The following IL1RAPL1 variants were observed in gnomAD, a reference collection of about 807,000 sequenced individuals.
The protein encoded by IL1RAPL1 is interleukin 1 receptor accessory protein like 1.
Under a neutral mutation model 48.4 loss-of-function variants are expected in IL1RAPL1, and 3 were observed. That is an observed-to-expected ratio of 0.06 (90% confidence interval 0.03 to 0.16). IL1RAPL1 has a LOEUF of 0.16. IL1RAPL1 is among the 10% of genes least tolerant of loss of function. The pLI is 1.00. For missense variants in IL1RAPL1, 349 were observed against 530.6 expected (o/e 0.66, Z 3.36); for synonymous variants, 185 against 187.7 (o/e 0.99, Z 0.12).
intron 6 of IL1RAPL1, among the ~76,000 whole-genome samples, chrX:29,912,456 G>A (rs920294430): frequency 8.9e-6 from 1 of 111,890 alleles, no homozygotes; most frequent in Non-Finnish European, 1.9e-5. Flanking sequence ...TCTGCCTTTG[G>A]GGAATGCATA....
At chrX:29,569,609 A>C (rs1004273038) in intron 5 of IL1RAPL1, among the ~76,000 whole-genome samples, 6 of 107,587 alleles carry the variant, frequency 5.6e-5, no homozygotes, top group African/African-American at 1.7e-4. Flanking sequence ...TCTTGTAATC[A>C]TTGAGGACCA....
chrX:28,608,744 A>G, intron 1 of IL1RAPL1, among the ~76,000 whole-genome samples: 1 of 112,225 alleles, frequency 8.9e-6, no homozygotes, highest in Non-Finnish European at 1.9e-5. Flanking sequence ...TTAAAGGTCT[A>G]AATAATTTGA....
At chrX:29,406,235 A>G (rs913402210) in intron 5 of IL1RAPL1, among the ~76,000 whole-genome samples, 3 of 110,697 alleles carry the variant, frequency 2.7e-5, no homozygotes, top group African/African-American at 9.9e-5. Flanking sequence ...TAAAAATACA[A>G]AAAATTAGCC....
intron 1 of IL1RAPL1, among the ~76,000 whole-genome samples, chrX:28,696,625 A>G (rs1401787232): frequency 8.9e-6 from 1 of 111,746 alleles, no homozygotes; most frequent in African/African-American, 3.2e-5. Context: ...CAGGTATCAA[A>G]GTATCACATG....
chrX:28,721,118 G>A (rs911222542), intron 1 of IL1RAPL1, among the ~76,000 whole-genome samples: 1 of 111,738 alleles, frequency 8.9e-6, no homozygotes, highest in African/African-American at 3.3e-5. Context: ...CCAGTAATGG[G>A]ATGGCTGGGT....
chrX:29,368,426 G>A (rs1395070421), intron 3 of IL1RAPL1, among the ~76,000 whole-genome samples: 1 of 111,452 alleles, frequency 9.0e-6, no homozygotes, highest in Non-Finnish European at 1.9e-5. Context: ...TTGCCCACCA[G>A]GCTGGAGTGC....
intron 2 of IL1RAPL1, among the ~76,000 whole-genome samples, chrX:28,908,962 T>C: frequency 8.9e-6 from 1 of 112,061 alleles, no homozygotes; most frequent in South Asian, 3.7e-4. Flanking sequence ...TTGATACTTT[T>C]CTTGATCTGA....
At chrX:29,528,626 C>T (rs1372754656) in intron 5 of IL1RAPL1, among the ~76,000 whole-genome samples, 3 of 112,326 alleles carry the variant, frequency 2.7e-5, no homozygotes, top group East Asian at 2.8e-4. Flanking sequence ...CCTCCATAAA[C>T]TCTCTCACAC....
intron 5 of IL1RAPL1, among the ~76,000 whole-genome samples, chrX:29,489,738 C>T (rs1254148962): frequency 2.7e-5 from 3 of 111,789 alleles, no homozygotes; most frequent in African/African-American, 9.7e-5. Flanking sequence ...CTGCCACCAA[C>T]ATCTTATAGT....
chrX:28,615,102 A>C (rs1315099515), intron 1 of IL1RAPL1, among the ~76,000 whole-genome samples: 1 of 104,316 alleles, frequency 9.6e-6, no homozygotes, highest in Non-Finnish European at 1.9e-5. Context: ...GTTAGCCAGG[A>C]TGGTCTCGAC....
At position 29,711,069 on chromosome X, in the gene IL1RAPL1, T is replaced by TACACACACACACACACACAC. The variant is rs745317897; in HGVS notation, c.778+42567_778+42586dup. Among the ~76,000 whole-genome samples, 263 of 86,429 alleles carry TACACACACACACACACACAC rather than the reference T, an allele frequency of 3.0e-3. 3 individuals are homozygous for TACACACACACACACACACAC. Among genetic ancestry groups the TACACACACACACACACACAC allele is most frequent in the African/African-American group, 0.011 (253 of 23,936 alleles). The allele number at this position is 86,429 out of a possible 115,157, so 75.1% of individuals were successfully genotyped here. Reference sequence around the variant, plus strand: ...GTGTGTGTGTGTGTGTGTGTGTGTATACACACACACACACACACACAGATA... The same window carrying TACACACACACACACACACAC: ...GTGTGTGTGTGTGTGTGTGTGTGTATACACACACACACACACACACACACACACACACACACACACAGATA... On this transcript the variant is annotated intron_variant, in intron 6 of 10. Coordinates refer to ENST00000378993, the MANE Select transcript of IL1RAPL1 (RefSeq NM_014271.4).
intron 5 of IL1RAPL1, among the ~76,000 whole-genome samples, chrX:29,450,359 A>T (rs923905481): frequency 2.7e-5 from 3 of 111,909 alleles, no homozygotes; most frequent in African/African-American, 9.7e-5. Flanking sequence ...AGGGCCAGAG[A>T]GTTCATATTT....
At chrX:29,346,653 A>C (rs1933153616) in intron 3 of IL1RAPL1, among the ~76,000 whole-genome samples, 1 of 112,651 alleles carries the variant, frequency 8.9e-6, no homozygotes, top group Non-Finnish European at 1.9e-5. Context: ...AATAAAACCC[A>C]AAAATAATTT....
At chrX:29,484,850 AAAG>A (rs768936597) in intron 5 of IL1RAPL1, among the ~76,000 whole-genome samples, 72 of 112,024 alleles carry the variant, frequency 6.4e-4, no homozygotes, top group Non-Finnish European at 1.1e-3. Flanking sequence ...TTATGGAATA[AAAG>A]AAGAGAGAGT....
intron 3 of IL1RAPL1, 40 bp from the exon 4 acceptor site, chrX:29,396,218 G>A (rs761680498): frequency 1.8e-6 from 2 of 1,114,627 alleles, no homozygotes; most frequent in Non-Finnish European, 2.5e-6. Context: ...CTTGCTTTTT[G>A]TTCACACCAG....
chrX:29,003,179 G>A (rs150893692), intron 2 of IL1RAPL1, among the ~76,000 whole-genome samples: 146 of 111,726 alleles, frequency 1.3e-3, no homozygotes, highest in African/African-American at 4.6e-3. Context: ...AACAACAGTG[G>A]GAAATAGCAT....
At chrX:29,279,303 G>A (rs1932164647) in intron 2 of IL1RAPL1, among the ~76,000 whole-genome samples, 1 of 111,107 alleles carries the variant, frequency 9.0e-6, no homozygotes, top group Non-Finnish European at 1.9e-5. Context: ...GGGCATGGTG[G>A]CGTGCGCCTG....
intron 1 of IL1RAPL1, among the ~76,000 whole-genome samples, chrX:28,668,914 G>T (rs1601853288): frequency 9.0e-6 from 1 of 111,580 alleles, no homozygotes. Context: ...ACTTCTCTTT[G>T]CCTGTTTTAC....
At chrX:29,650,519 A>G (rs1252381314) in intron 5 of IL1RAPL1, among the ~76,000 whole-genome samples, 1 of 111,136 alleles carries the variant, frequency 9.0e-6, no homozygotes, top group Non-Finnish European at 1.9e-5. Flanking sequence ...AGAATACACA[A>G]TGGGGAAAAA....
Sources: allele counts gnomAD v4.1 joint callset (sites outside exome capture counted in the v4.1 genomes callset), GRCh38; gene constraint gnomAD v4.1.1; transcripts MANE v1.5; gene names NCBI Gene and HGNC (gene_info 2026-07-23, HGNC 2026-07-21).